The following NFASC variants were observed in gnomAD, a reference collection of about 807,000 sequenced individuals.
The protein encoded by NFASC is neurofascin homolog.
A neutral mutation model predicts 147.5 loss-of-function variants in NFASC; 43 were observed. The observed-to-expected ratio is 0.29, with a 90% CI of 0.23 to 0.38. NFASC has a LOEUF of 0.38. Ranked by LOEUF, NFASC falls within the 10% of genes least tolerant of loss-of-function variation. NFASC has a pLI of 1.00. For synonymous variants in NFASC, 622 were observed against 665.5 expected (o/e 0.93, Z 1.01); for missense variants, 1,320 against 1,689.0 (o/e 0.78, Z 3.83).
At chr1:204,850,672 C>T (rs183516383) in intron 1 of NFASC, among the ~76,000 whole-genome samples, 5 of 152,316 alleles carry the variant, frequency 3.3e-5, no homozygotes, top group East Asian at 3.9e-4. Flanking sequence ...CATGGTAAGA[C>T]GCGCTTGCTT....
chr1:204,839,377 AC>A (rs1674637031), intron 1 of NFASC, among the ~76,000 whole-genome samples: 1 of 80,420 alleles, frequency 1.2e-5, no homozygotes, highest in Non-Finnish European at 2.1e-5. Flanking sequence ...AAACACACAC[AC>A]ACACACACAC....
At chr1:204,942,743 G>A (rs1573453440) in intron 2 of NFASC, among the ~76,000 whole-genome samples, 1 of 152,334 alleles carries the variant, frequency 6.6e-6, no homozygotes, top group Middle Eastern at 3.4e-3. Flanking sequence ...CACGGTGGTG[G>A]CAGTGGGAAA....
chr1:204,930,923 C>T (rs1377884604), intron 2 of NFASC, among the ~76,000 whole-genome samples: 2 of 152,098 alleles, frequency 1.3e-5, no homozygotes, highest in African/African-American at 4.8e-5. Context: ...GGAGCTGGGT[C>T]ATACCAGGGC....
In NFASC at chr1:204,954,938, C is replaced by T; in HGVS notation, c.522C>T (p.Phe174=). 1 of 1,613,832 alleles carries T rather than the reference C, an allele frequency of 6.2e-7. No homozygotes were observed. The highest frequency in any genetic ancestry group is 8.5e-7 in the Non-Finnish European group (1 of 1,179,956). The change falls in exon 7 of 30, where the codon TTC becomes TTT. Residue 174 remains phenylalanine (F), a synonymous_variant. Transcript: ENST00000339876. The surrounding 1 kb of genome is among the most constrained non-coding windows in gnomAD (Gnocchi z 5.7). The part of the protein sequence containing the change: ...PPPGLPSPVI[F]WMSSSMEPIT... ...CTGGACTTCCATCCCCGGTCATCTT[C>T]TGGATGAGCAGCTGTGAGTCTTGGG...
chr1:205,008,809 G>GGT (rs2096192024), intron 27 of NFASC: 1 of 108,928 alleles, frequency 9.2e-6, no homozygotes, highest in African/African-American at 5.1e-5. Context: ...ACAGACCACC[G>GGT]GGGGGGTCAC....
At chr1:204,963,325 A>G (rs2094782822) in intron 8 of NFASC, among the ~76,000 whole-genome samples, 1 of 152,214 alleles carries the variant, frequency 6.6e-6, no homozygotes, top group African/African-American at 2.4e-5. Context: ...CTATTGTGTT[A>G]AGAGCCCCAG....
intron 24 of NFASC, among the ~76,000 whole-genome samples, chr1:204,996,602 G>T (rs904014225): frequency 1.3e-5 from 2 of 152,198 alleles, no homozygotes; most frequent in African/African-American, 4.8e-5. Context: ...GCTCACCCGC[G>T]CAGAGTGGAG....
At chr1:204,961,418 G>C (rs1025422476) in intron 8 of NFASC, among the ~76,000 whole-genome samples, 2 of 152,210 alleles carry the variant, frequency 1.3e-5, no homozygotes, top group Non-Finnish European at 2.9e-5. Context: ...TCTAAAGCCT[G>C]AACCTCAGGG....
chr1:204,949,149 A>C (rs1453577635), intron 3 of NFASC, among the ~76,000 whole-genome samples: 1 of 152,152 alleles, frequency 6.6e-6, no homozygotes. Context: ...CGAAATAATT[A>C]TTTTGGATCT....
intron 2 of NFASC, among the ~76,000 whole-genome samples, chr1:204,943,188 C>A (rs979699022): frequency 6.6e-6 from 1 of 152,212 alleles, no homozygotes; most frequent in Non-Finnish European, 1.5e-5. Flanking sequence ...CTTTGACTTG[C>A]CACCACAGTA....
intron 22 of NFASC, 96 bp from the exon 23 acceptor site, chr1:204,988,537 C>A: frequency 8.8e-7 from 1 of 1,140,118 alleles, no homozygotes; most frequent in Non-Finnish European, 1.3e-6. Context: ...CCCTTTCCAG[C>A]AAAGTCAGGA....
intron 1 of NFASC, among the ~76,000 whole-genome samples, chr1:204,830,136 G>T (rs538434488): frequency 6.6e-6 from 1 of 152,200 alleles, no homozygotes; most frequent in South Asian, 2.1e-4. Flanking sequence ...AGGGCCTAGT[G>T]CGTCTCATCT....
Position 204,947,842 on chromosome 1 carries a change from TCATA to T in NFASC, c.92-2714_92-2711del, listed in dbSNP as rs752500366. On this transcript the variant is annotated intron_variant, in intron 3 of 29. Transcript: ENST00000339876. ...AATAACACTGCAGGATGGCCTCAAC[TCATA>T]TGCACACTCTCACACATACATGCAC... 2.2e-3 allele frequency among the ~76,000 whole-genome samples: 328 copies of T among 152,122 alleles called. 5 individuals carry two copies. The highest frequency in any genetic ancestry group is 1.3e-3 in the Non-Finnish European group (91 of 68,000).
At position 204,979,493 on chromosome 1, in the gene NFASC, G is replaced by A; in HGVS notation, c.2110G>A (p.Ala704Thr). 1 of 1,613,842 alleles carries A rather than the reference G, an allele frequency of 6.2e-7. No individual in the cohort carries two copies. The highest frequency in any genetic ancestry group is 8.5e-7 in the Non-Finnish European group (1 of 1,180,034). Residue 704 changes from alanine (A) to threonine (T), a missense_variant, in exon 19 of 30, where the codon GCC becomes ACC. Ala to Thr is a moderately conservative substitution (Grantham distance 58, BLOSUM62 0). Coordinates refer to ENST00000339876, the MANE Select transcript of NFASC (RefSeq NM_001005388.3). This position sits in a 1 kb window ranked among gnomAD's most constrained non-coding sequence, Gnocchi z 6.0. ...TGTCAACTACCAGTTCCGTGTCATT[G>A]CCATCAACGAGGTTGGGAGCAGCCA... is the stretch of plus-strand genomic sequence containing the variant. ...PYVNYQFRVIAINEVGSSHPS... is the reference protein window; with the variant it reads ...PYVNYQFRVITINEVGSSHPS...
intron 16 of NFASC, chr1:204,977,085 TTTACCTTTC>T (rs1196552806): frequency 9.3e-5 from 113 of 1,214,800 alleles, no homozygotes; most frequent in Non-Finnish European, 1.1e-4. Context: ...TTGTGATCAT[TTTACCTTTC>T]TTACAGCTAA....
At chr1:204,830,958 A>G (rs1672061074) in intron 1 of NFASC, among the ~76,000 whole-genome samples, 1 of 152,166 alleles carries the variant, frequency 6.6e-6, no homozygotes, top group Non-Finnish European at 1.5e-5. Context: ...TGCTGGGGGC[A>G]CTGGCTGCAC....
intron 8 of NFASC, among the ~76,000 whole-genome samples, chr1:204,965,286 A>G (rs571805622): frequency 6.6e-6 from 1 of 152,226 alleles, no homozygotes; most frequent in East Asian, 1.9e-4. Context: ...TCTAGTAATC[A>G]CTGTTGTCTT....
chr1:205,011,947 C>G (rs1347429293), intron 28 of NFASC, among the ~76,000 whole-genome samples: 2 of 152,264 alleles, frequency 1.3e-5, no homozygotes, highest in East Asian at 3.9e-4. Context: ...GGCGCGGTGG[C>G]AGGCGCCTAT....
At chr1:204,988,910 G>C (rs1464059080) in intron 23 of NFASC, 104 bp downstream of exon 23, 11 of 1,141,528 alleles carry the variant, frequency 9.6e-6, no homozygotes, top group Non-Finnish European at 1.4e-5. Context: ...GAGAGGAAAT[G>C]AGACTTGCAA....
Sources: gnomAD v4.1 joint callset for allele counts (sites outside exome capture counted in the v4.1 genomes callset) on GRCh38, gnomAD v4.1.1 for gene constraint, Gnocchi (gnomAD v3.1) non-coding constraint, MANE v1.5 for transcripts, NCBI Gene and HGNC (gene_info 2026-07-23, HGNC 2026-07-21) for gene names.